Variants in CADM2 observed in about 807,000 individuals in gnomAD.
The protein encoded by CADM2 is immunoglobulin superfamily member 4D.
A neutral mutation model predicts 49.8 loss-of-function variants in CADM2; 12 were observed. The ratio of observed to expected loss-of-function variants is 0.24; its 90% confidence interval spans 0.15 to 0.39. The LOEUF (loss-of-function observed/expected upper bound fraction) is 0.39, where lower values mean the gene tolerates loss of function less well. Ranked by LOEUF, CADM2 falls within the 10% of genes least tolerant of loss-of-function variation. CADM2 has a pLI of 1.00. For synonymous variants in CADM2, 214 were observed against 175.4 expected (o/e 1.22, Z -1.74); for missense variants, 378 against 492.3 (o/e 0.77, Z 2.20).
At chr3:85,971,122 GTATACATGAGATTATTTT>G (rs1726071384) in intron 8 of CADM2, among the ~76,000 whole-genome samples, 1 of 151,456 alleles carries the variant, frequency 6.6e-6, no homozygotes, top group African/African-American at 2.4e-5. Flanking sequence ...ATTTTTTCTA[GTATACATGAGATTATTTT>G]TCAGTTGAGA....
intron 1 of CADM2, among the ~76,000 whole-genome samples, chr3:85,037,581 G>A (rs939664206): frequency 2.0e-5 from 3 of 152,220 alleles, no homozygotes; most frequent in African/African-American, 7.2e-5. Flanking sequence ...GCAGCATGGA[G>A]GGTGGGAGTC....
At chr3:86,029,173 T>C (rs1734263383) in intron 8 of CADM2, among the ~76,000 whole-genome samples, 4 of 152,152 alleles carry the variant, frequency 2.6e-5, no homozygotes, top group Admixed American at 2.6e-4. Flanking sequence ...AAGTGACACT[T>C]ACCTTGCTGG....
At chr3:85,343,867 T>A (rs2107204884) in intron 1 of CADM2, among the ~76,000 whole-genome samples, 1 of 152,304 alleles carries the variant, frequency 6.6e-6, no homozygotes, top group African/African-American at 2.4e-5. Flanking sequence ...ACTTTTCTCC[T>A]TTTCAGTGTT....
chr3:84,976,608 C>A (rs2031837139), intron 1 of CADM2, among the ~76,000 whole-genome samples: 1 of 151,786 alleles, frequency 6.6e-6, no homozygotes. Flanking sequence ...CTAAACACAT[C>A]TCTTCCAGTA....
At chr3:85,453,749 A>T (rs1487805959) in intron 1 of CADM2, among the ~76,000 whole-genome samples, 1 of 152,182 alleles carries the variant, frequency 6.6e-6, no homozygotes, top group African/African-American at 2.4e-5. Flanking sequence ...GAATTGTATG[A>T]AATAATTAGA....
At position 86,003,841 on chromosome 3, in the gene CADM2, G is replaced by T. The variant is rs921525418; in HGVS notation, c.970+42194G>T. 2.6e-5 allele frequency among the ~76,000 whole-genome samples: 4 copies of T among 152,164 alleles called. No individual in the cohort carries two copies. In the East Asian group the frequency reaches 7.7e-4, roughly 29 times the overall value. ...AGAGCAAAGATTACTTCAGAAGGGGGTGGCCCAAAGCATTTTCTGCTGATT... is the reference window on the plus strand; with the variant it reads ...AGAGCAAAGATTACTTCAGAAGGGGTTGGCCCAAAGCATTTTCTGCTGATT... On this transcript the variant is annotated intron_variant, in intron 8 of 9. Transcript: ENST00000383699.
intron 1 of CADM2, among the ~76,000 whole-genome samples, chr3:85,384,805 AAATTTCAAATTACTGG>A (rs772705759): frequency 5.1e-4 from 77 of 152,132 alleles, no homozygotes; most frequent in Non-Finnish European, 7.6e-4. Flanking sequence ...CAAAAGCTTT[AAATTTCAAATTACTGG>A]AATTTATTGA....
At chr3:85,273,174 G>T (rs372451232) in intron 1 of CADM2, among the ~76,000 whole-genome samples, 2 of 151,444 alleles carry the variant, frequency 1.3e-5, no homozygotes. Flanking sequence ...TTAAGGAAAT[G>T]ACAGTAGGTC....
intron 1 of CADM2, among the ~76,000 whole-genome samples, chr3:85,721,195 G>C (rs893514757): frequency 6.6e-6 from 1 of 152,134 alleles, no homozygotes; most frequent in Non-Finnish European, 1.5e-5. Context: ...AATTTGTAGT[G>C]TGTACTATAA....
intron 1 of CADM2, among the ~76,000 whole-genome samples, chr3:85,332,486 GTTTGACC>G (rs1404405171): frequency 6.6e-6 from 1 of 151,952 alleles, no homozygotes; most frequent in Non-Finnish European, 1.5e-5. Flanking sequence ...GGCTTTGTAG[GTTTGACC>G]TTTGTAATGA....
chr3:85,600,518 T>G (rs138096331), intron 1 of CADM2, among the ~76,000 whole-genome samples: 1 of 152,050 alleles, frequency 6.6e-6, no homozygotes, highest in Non-Finnish European at 1.5e-5. Context: ...ATAGCAAGAA[T>G]GTTTATGTCT....
intron 1 of CADM2, among the ~76,000 whole-genome samples, chr3:85,651,822 C>CT (rs201326377): frequency 0.16 from 22,707 of 140,404 alleles, 2,148 homozygotes; most frequent in South Asian, 0.27. Flanking sequence ...TTGTTTTTTT[C>CT]TTTTTTTTTT....
intron 1 of CADM2, among the ~76,000 whole-genome samples, chr3:85,688,656 C>T (rs1488975276): frequency 6.6e-6 from 1 of 151,734 alleles, no homozygotes; most frequent in African/African-American, 2.4e-5. Flanking sequence ...CAACCTCCAC[C>T]TCCTTTGTTC....
chr3:85,176,574 T>C (rs2044417850), intron 1 of CADM2, among the ~76,000 whole-genome samples: 1 of 152,112 alleles, frequency 6.6e-6, no homozygotes, highest in African/African-American at 2.4e-5. Context: ...AGATGCAGAT[T>C]TTACCTTGAA....
chr3:85,549,789 A>ATTTTTTTTTTTTTTTTTTTTT (rs71617942), intron 1 of CADM2, among the ~76,000 whole-genome samples: 1 of 134,874 alleles, frequency 7.4e-6, no homozygotes, highest in Non-Finnish European at 1.6e-5. Context: ...ATGCTGGGCT[A>ATTTTTTTTTTTTTTTTTTTTT]TTTTTTTTTT....
intron 1 of CADM2, among the ~76,000 whole-genome samples, chr3:85,655,005 G>A (rs958570548): frequency 6.6e-6 from 1 of 152,214 alleles, no homozygotes; most frequent in Non-Finnish European, 1.5e-5. Context: ...TTAACAAAGT[G>A]GCCCAAGGTC....
intron 1 of CADM2, among the ~76,000 whole-genome samples, chr3:85,364,637 A>G (rs2032609918): frequency 6.6e-6 from 1 of 152,118 alleles, no homozygotes; most frequent in South Asian, 2.1e-4. Flanking sequence ...ATCTAAAATG[A>G]TCTATTTTTT....
intron 1 of CADM2, among the ~76,000 whole-genome samples, chr3:85,288,115 A>T (rs2043681830): frequency 6.6e-6 from 1 of 152,186 alleles, no homozygotes; most frequent in Admixed American, 6.5e-5. Flanking sequence ...AAATTAAAAA[A>T]AAATCTCAGA....
chr3:85,698,148 T>G (rs1577109379), intron 1 of CADM2, among the ~76,000 whole-genome samples: 1 of 152,174 alleles, frequency 6.6e-6, no homozygotes, highest in African/African-American at 2.4e-5. Context: ...GTTCAGAAAT[T>G]TAGGCAGTTA....
Sources: gnomAD v4.1 joint callset for allele counts (sites outside exome capture counted in the v4.1 genomes callset) on GRCh38, gnomAD v4.1.1 for gene constraint, MANE v1.5 for transcripts, NCBI Gene and HGNC (gene_info 2026-07-23, HGNC 2026-07-21) for gene names.